The following PPP1R14C variants were observed in gnomAD, a reference collection of about 807,000 sequenced individuals.
PPP1R14C encodes the protein protein phosphatase 1 regulatory subunit 14C.
Under a neutral mutation model 20.4 loss-of-function variants are expected in PPP1R14C, and 16 were observed. The ratio of observed to expected loss-of-function variants is 0.78; its 90% CI spans 0.53 to 1.19. The LOEUF (loss-of-function observed/expected upper bound fraction) is 1.19. PPP1R14C is among the 50% of genes most tolerant of loss of function. The pLI is 0.00. For synonymous variants in PPP1R14C, 91 were observed against 91.0 expected (o/e 1.00, Z 0.00); for missense variants, 211 against 220.1 (o/e 0.96, Z 0.26).
chr6:150,212,242 G>A (rs73009855), intron 1 of PPP1R14C, among the ~76,000 whole-genome samples: 7,151 of 152,316 alleles, frequency 0.047, 193 homozygotes, highest in Non-Finnish European at 0.056. Context: ...TAGCTATTGA[G>A]CACTTGAGAT....
chr6:150,218,686 TCACCCAGGCTGG>T, intron 3 of PPP1R14C, among the ~76,000 whole-genome samples: 1 of 152,234 alleles, frequency 6.6e-6, no homozygotes, highest in African/African-American at 2.4e-5. Flanking sequence ...TCTCATTCTG[TCACCCAGGCTGG>T]AGTGCAGTGG....
chr6:150,167,374 G>GA (rs1016099630), intron 1 of PPP1R14C, among the ~76,000 whole-genome samples: 1 of 151,740 alleles, frequency 6.6e-6, no homozygotes, highest in Non-Finnish European at 1.5e-5. Context: ...TCTCGGGGGG[G>GA]AAAAAAACAA....
chr6:150,174,282 C>T (rs185826250), intron 1 of PPP1R14C, among the ~76,000 whole-genome samples: 9 of 152,228 alleles, frequency 5.9e-5, no homozygotes, highest in East Asian at 3.9e-4. Flanking sequence ...TGCAGTGGTG[C>T]GATCTCGGCT....
chr6:150,195,759 C>A, intron 1 of PPP1R14C: 1 of 798,000 alleles, frequency 1.3e-6, no homozygotes, highest in Non-Finnish European at 1.5e-6. Context: ...TTGCAACCAT[C>A]CCCACCATTC....
At chr6:150,205,825 AAAAG>A (rs1283750200) in intron 1 of PPP1R14C, among the ~76,000 whole-genome samples, 1 of 152,016 alleles carries the variant, frequency 6.6e-6, no homozygotes, top group African/African-American at 2.4e-5. Flanking sequence ...ATAAAAAAGA[AAAAG>A]AAATATATAT....
At chr6:150,160,929 CAG>C (rs888428739) in intron 1 of PPP1R14C, among the ~76,000 whole-genome samples, 21 of 152,080 alleles carry the variant, frequency 1.4e-4, no homozygotes, top group Admixed American at 4.6e-4. Context: ...GCCCCAGATT[CAG>C]AGTCAGCCAT....
chr6:150,200,861 A>T (rs958165124), intron 1 of PPP1R14C, among the ~76,000 whole-genome samples: 1 of 152,088 alleles, frequency 6.6e-6, no homozygotes, highest in Non-Finnish European at 1.5e-5. Flanking sequence ...CTAAGTTTCC[A>T]TGGAGTTTCC....
chr6:150,246,321 T>C (rs933268127), intron 3 of PPP1R14C, among the ~76,000 whole-genome samples: 4 of 152,058 alleles, frequency 2.6e-5, no homozygotes, highest in Non-Finnish European at 4.4e-5. Context: ...AAAACAAGCT[T>C]ACATTCAAAT....
rs1778547776 is a variant in PPP1R14C, at chr6:150,250,147, C to G, written c.*1327C>G. 1 of 152,604 alleles carries G rather than the reference C, an allele frequency of 6.6e-6. No individual in the cohort carries two copies. Among genetic ancestry groups the G allele is most frequent in the African/African-American group, 2.4e-5 (1 of 41,442 alleles). 9.5% of individuals were successfully genotyped at this position (152,604 alleles called of 1,614,324 possible). A position where few individuals can be genotyped will look rare whatever the true frequency, so the allele number is the denominator to read the frequency against. ...CCCGCTGACTCCCACAGAAACCCAC[C>G]TACCATAAGATGTCTTCAGGTGGCC... On this transcript the variant is annotated 3_prime_UTR_variant, in exon 4 of 4. Coordinates refer to ENST00000361131, the MANE Select transcript of PPP1R14C (RefSeq NM_030949.3).
At chr6:150,242,539 C>G (rs1391735952) in intron 3 of PPP1R14C, among the ~76,000 whole-genome samples, 1 of 152,148 alleles carries the variant, frequency 6.6e-6, no homozygotes, top group South Asian at 2.1e-4. Flanking sequence ...AAACAGCACA[C>G]TAGAAATAGA....
intron 1 of PPP1R14C, among the ~76,000 whole-genome samples, chr6:150,156,963 A>G (rs1777312534): frequency 6.6e-6 from 1 of 152,230 alleles, no homozygotes; most frequent in African/African-American, 2.4e-5. Flanking sequence ...ACTCCAAAGC[A>G]TTTAGCTGCC....
At chr6:150,181,239 C>T (rs926153013) in intron 1 of PPP1R14C, among the ~76,000 whole-genome samples, 12 of 152,066 alleles carry the variant, frequency 7.9e-5, no homozygotes, top group South Asian at 2.1e-4. Flanking sequence ...TGCAGTGGCG[C>T]GATCTCATCT....
At position 150,214,694 on chromosome 6, in the gene PPP1R14C, C is replaced by T. The variant is rs749618665; in HGVS notation, c.307-50C>T. On this transcript the variant is annotated intron_variant, in intron 1 of 3. Transcript: ENST00000361131. ...CTTAACCTAACTGGTGGGGTACAGTCAGGTTTCTTACTAAATTAAATGCCT... is the reference window on the plus strand; with the variant it reads ...CTTAACCTAACTGGTGGGGTACAGTTAGGTTTCTTACTAAATTAAATGCCT... 4 of 1,376,522 alleles carry T rather than the reference C, an allele frequency of 2.9e-6. No homozygotes were observed. In the African/African-American group the frequency reaches 5.7e-5, roughly 20 times the overall value. 85.3% of individuals were successfully genotyped at this position (1,376,522 alleles called of 1,614,324 possible).
At chr6:150,247,192 A>T (rs1263069373) in intron 3 of PPP1R14C, among the ~76,000 whole-genome samples, 1 of 152,046 alleles carries the variant, frequency 6.6e-6, no homozygotes, top group African/African-American at 2.4e-5. Context: ...GATAAGGGAG[A>T]TTGAGAGCTG....
intron 1 of PPP1R14C, among the ~76,000 whole-genome samples, chr6:150,146,704 C>G (rs1185065532): frequency 6.6e-6 from 1 of 152,178 alleles, no homozygotes; most frequent in African/African-American, 2.4e-5. Context: ...CAGAACAGAT[C>G]TGGGAGGAGC....
At chr6:150,227,762 A>C (rs1398203014) in intron 3 of PPP1R14C, among the ~76,000 whole-genome samples, 1 of 152,236 alleles carries the variant, frequency 6.6e-6, no homozygotes, top group African/African-American at 2.4e-5. Flanking sequence ...GACAGACCAG[A>C]ATCAGATGAA....
At chr6:150,147,116 G>A (rs1012289103) in intron 1 of PPP1R14C, among the ~76,000 whole-genome samples, 1 of 140,092 alleles carries the variant, frequency 7.1e-6, no homozygotes, top group African/African-American at 2.6e-5. Context: ...AAGGATTTCT[G>A]TTTAAAGACC....
chr6:150,235,155 A>G (rs1778343880), intron 3 of PPP1R14C, among the ~76,000 whole-genome samples: 1 of 152,230 alleles, frequency 6.6e-6, no homozygotes. Context: ...GAGCACGATC[A>G]TAGCTCACTG....
intron 2 of PPP1R14C, among the ~76,000 whole-genome samples, chr6:150,215,823 G>A (rs919960211): frequency 2.0e-5 from 3 of 152,194 alleles, no homozygotes; most frequent in African/African-American, 7.2e-5. Context: ...GAGGACCCAA[G>A]CTGGTTTATG....
Sources: allele counts gnomAD v4.1 joint callset (sites outside exome capture counted in the v4.1 genomes callset), GRCh38; gene constraint gnomAD v4.1.1; transcripts MANE v1.5; gene names NCBI Gene and HGNC (gene_info 2026-07-23, HGNC 2026-07-21).